Variants in CDH12 observed in about 807,000 individuals in gnomAD.
CDH12 encodes the protein cadherin 12, also known as cadherin-12.
In CDH12, 41 loss-of-function variants were observed where a neutral mutation model predicts 74.1. The ratio of observed to expected loss-of-function variants is 0.55; its 90% CI spans 0.43 to 0.72. The LOEUF is 0.72. Among genes scored for constraint, CDH12 ranks in the 30% least tolerant of loss-of-function variants. CDH12 has a pLI of 0.00. For missense variants in CDH12, 945 were observed against 977.2 expected (o/e 0.97, Z 0.44); for synonymous variants, 399 against 355.0 (o/e 1.12, Z -1.39).
At position 22,643,897 on chromosome 5, in the gene CDH12, A is replaced by T. The variant is rs144178821; in HGVS notation, c.-522-138533T>A. Among the ~76,000 whole-genome samples, 1,216 of 151,914 alleles carry T rather than the reference A, an allele frequency of 8.0e-3. 12 individuals carry two copies. The highest frequency in any genetic ancestry group is 0.026 in the African/African-American group (1,059 of 41,438). On this transcript the variant is annotated intron_variant, in intron 1 of 14. Coordinates refer to ENST00000382254, the MANE Select transcript of CDH12 (RefSeq NM_004061.5). Reference sequence around the variant, plus strand: ...ATGTTTCAAACATTTTCACTATGATATTATCTATTATTGTGATCTATGATC... The same window carrying T: ...ATGTTTCAAACATTTTCACTATGATTTTATCTATTATTGTGATCTATGATC...
intron 4 of CDH12, among the ~76,000 whole-genome samples, chr5:22,090,085 C>T (rs917412712): frequency 6.6e-6 from 1 of 151,544 alleles, no homozygotes; most frequent in South Asian, 2.1e-4. Flanking sequence ...AGAATGAAAA[C>T]AATAGATAAA....
At chr5:22,531,041 G>T (rs749535221) in intron 1 of CDH12, among the ~76,000 whole-genome samples, 1 of 151,998 alleles carries the variant, frequency 6.6e-6, no homozygotes, top group African/African-American at 2.4e-5. Context: ...ATCTCTGAAA[G>T]TCTTTGCTAT....
chr5:22,777,529 A>G (rs1330231049), intron 1 of CDH12, among the ~76,000 whole-genome samples: 1 of 152,060 alleles, frequency 6.6e-6, no homozygotes, highest in African/African-American at 2.4e-5. Context: ...TATTAAAATT[A>G]CTAGGATCCT....
chr5:22,706,694 T>C (rs1198066224), intron 1 of CDH12, among the ~76,000 whole-genome samples: 1 of 152,144 alleles, frequency 6.6e-6, no homozygotes, highest in Admixed American at 6.6e-5. Context: ...CTACTATAAA[T>C]ATTGCTAGAA....
At chr5:22,224,886 A>C (rs986901073) in intron 3 of CDH12, among the ~76,000 whole-genome samples, 3 of 152,002 alleles carry the variant, frequency 2.0e-5, no homozygotes, top group Admixed American at 2.0e-4. Context: ...ATATTAAAAA[A>C]AGTATAAAAT....
intron 1 of CDH12, among the ~76,000 whole-genome samples, chr5:22,802,246 C>T (rs1221941417): frequency 1.3e-5 from 2 of 151,532 alleles, no homozygotes; most frequent in African/African-American, 4.9e-5. Context: ...CTCAGCCTCC[C>T]GAGTAGCTGG....
intron 1 of CDH12, among the ~76,000 whole-genome samples, chr5:22,848,109 A>G (rs949134423): frequency 5.9e-5 from 9 of 152,128 alleles, no homozygotes; most frequent in Non-Finnish European, 1.3e-4. Context: ...TCTATAAAAC[A>G]AAATACTACA....
At chr5:22,770,604 GA>G (rs1187405590) in intron 1 of CDH12, among the ~76,000 whole-genome samples, 2 of 152,050 alleles carry the variant, frequency 1.3e-5, no homozygotes, top group African/African-American at 4.8e-5. Flanking sequence ...ATCATTTAAA[GA>G]AAAGAAATGA....
intron 1 of CDH12, among the ~76,000 whole-genome samples, chr5:22,662,137 A>G (rs1306480468): frequency 6.6e-6 from 1 of 152,152 alleles, no homozygotes; most frequent in African/African-American, 2.4e-5. Context: ...AAAAAGTTCC[A>G]TTATTGTCTG....
At chr5:22,458,267 G>T (rs1745368924) in intron 2 of CDH12, among the ~76,000 whole-genome samples, 1 of 152,076 alleles carries the variant, frequency 6.6e-6, no homozygotes, top group African/African-American at 2.4e-5. Context: ...TTCTGTCTCT[G>T]TTGTCACATG....
intron 1 of CDH12, among the ~76,000 whole-genome samples, chr5:22,592,979 G>A (rs269894): frequency 0.49 from 71,965 of 147,062 alleles, 17,703 homozygotes; most frequent in Admixed American, 0.58. Flanking sequence ...GCAATGAGCC[G>A]AGATCTCACG....
At chr5:22,825,907 A>G (rs1239419154) in intron 1 of CDH12, among the ~76,000 whole-genome samples, 1 of 151,840 alleles carries the variant, frequency 6.6e-6, no homozygotes, top group Non-Finnish European at 1.5e-5. Context: ...GATGCTGATA[A>G]TTAGTCAGTC....
In CDH12 at chr5:21,996,105, GTTTTTTTTTTTT is replaced by G. The variant is rs61516659; in HGVS notation, c.232-20732_232-20721del. ...CAGGTACTTATAAGTTCACACACAC[GTTTTTTTTTTTT>G]TTTTTTTTTTTTTTTCCAATGCCTG... On this transcript the variant is annotated intron_variant, in intron 5 of 14. Coordinates refer to ENST00000382254, the MANE Select transcript of CDH12 (RefSeq NM_004061.5). Among the ~76,000 whole-genome samples, 27 of 113,628 alleles carry G rather than the reference GTTTTTTTTTTTT, an allele frequency of 2.4e-4. 1 individual carries two copies. In the East Asian group the frequency reaches 4.3e-3, roughly 18 times the overall value. 74.5% of individuals were successfully genotyped at this position (113,628 alleles called of 152,430 possible).
chr5:22,741,453 C>A (rs764179298), intron 1 of CDH12, among the ~76,000 whole-genome samples: 2 of 152,128 alleles, frequency 1.3e-5, no homozygotes, highest in Non-Finnish European at 2.9e-5. Flanking sequence ...CAGAATATTT[C>A]AAACCAAACT....
chr5:22,341,273 C>T (rs1326471676), intron 3 of CDH12, among the ~76,000 whole-genome samples: 2 of 151,996 alleles, frequency 1.3e-5, no homozygotes, highest in African/African-American at 4.8e-5. Context: ...TCTTTGAGTC[C>T]AGGAGTTAAA....
chr5:22,548,606 T>C (rs1036685425), intron 1 of CDH12, among the ~76,000 whole-genome samples: 1 of 152,110 alleles, frequency 6.6e-6, no homozygotes, highest in Non-Finnish European at 1.5e-5. Context: ...TCCCTTAGCT[T>C]ACTCTCTTGG....
At chr5:22,340,019 T>C (rs1561326061) in intron 3 of CDH12, among the ~76,000 whole-genome samples, 1 of 152,246 alleles carries the variant, frequency 6.6e-6, no homozygotes, top group Non-Finnish European at 1.5e-5. Context: ...AATGGTTTCA[T>C]TTTAAACACT....
chr5:21,905,457 T>G (rs1753596810), intron 6 of CDH12, among the ~76,000 whole-genome samples: 1 of 152,224 alleles, frequency 6.6e-6, no homozygotes, highest in Non-Finnish European at 1.5e-5. Flanking sequence ...TTGCAGTTTG[T>G]CTTTTCCTCA....
At chr5:22,268,688 T>G (rs1182657570) in intron 3 of CDH12, among the ~76,000 whole-genome samples, 2 of 152,146 alleles carry the variant, frequency 1.3e-5, no homozygotes, top group African/African-American at 4.8e-5. Flanking sequence ...TTATAATTAT[T>G]TATCTTGTAT....
Sources: allele counts gnomAD v4.1 joint callset (sites outside exome capture counted in the v4.1 genomes callset), GRCh38; gene constraint gnomAD v4.1.1; transcripts MANE v1.5; gene names NCBI Gene and HGNC (gene_info 2026-07-23, HGNC 2026-07-21).